COL6A5: variants seen among roughly 807,000 people sequenced by gnomAD.
The protein encoded by COL6A5 is collagen alpha-5(VI) chain.
In COL6A5, 48 loss-of-function variants were observed where a neutral mutation model predicts 65.6. The observed-to-expected ratio is 0.73, with a 90% CI of 0.58 to 0.93. The LOEUF (loss-of-function observed/expected upper bound fraction) is 0.93. Among genes scored for constraint, COL6A5 ranks in the 40% least tolerant of loss-of-function variants. The pLI, the probability that COL6A5 is intolerant of heterozygous loss-of-function variation, is 0.00. For missense variants in COL6A5, 914 were observed against 928.3 expected (o/e 0.98, Z 0.20); for synonymous variants, 291 against 322.8 (o/e 0.90, Z 1.05).
chr3:130,457,491 A>C (rs1577529980), intron 5 of COL6A5, among the ~76,000 whole-genome samples: 1 of 152,156 alleles, frequency 6.6e-6, no homozygotes, highest in South Asian at 2.1e-4. Context: ...TAGTTAGTGT[A>C]AGGTCCCATT....
At chr3:130,429,726 G>A (rs72982494), upstream of COL6A5, 3,105 of 649,012 alleles carry the variant, frequency 4.8e-3, 78 homozygotes, top group African/African-American at 0.054. Flanking sequence ...GATTATGACT[G>A]TAATTGTCAG....
At chr3:130,409,349 C>T (rs1470215214) in exon 18 of COL6A5, 1 of 1,547,078 alleles carries the variant, frequency 6.5e-7, no homozygotes. Context: ...CCAGAGGTGC[C>T]CCTGGGCAGT....
intron 7 of COL6A5, among the ~76,000 whole-genome samples, chr3:130,393,909 G>A (rs1159954614): frequency 6.6e-6 from 1 of 152,202 alleles, no homozygotes; most frequent in Non-Finnish European, 1.5e-5. Flanking sequence ...ACAGCTAGAA[G>A]CTGTTTACCG....
chr3:130,358,645 AT>A (rs1374262948), intron 1 of COL6A5, among the ~76,000 whole-genome samples: 1 of 152,108 alleles, frequency 6.6e-6, no homozygotes. Context: ...GTAATGTGGA[AT>A]TTTTTCCCCC....
chr3:130,465,136 T>C (rs2107610244), intron 5 of COL6A5, among the ~76,000 whole-genome samples: 1 of 152,098 alleles, frequency 6.6e-6, no homozygotes, highest in South Asian at 2.1e-4. Context: ...CTTATAGCCT[T>C]GAGTGTTTTC....
chr3:130,484,043 G>A (rs773973932), exon 8 of COL6A5: 1 of 1,608,786 alleles, frequency 6.2e-7, no homozygotes, highest in Non-Finnish European at 8.5e-7. Flanking sequence ...AGATGGTGAA[G>A]ATACAAGGTC....
At chr3:130,410,889 T>A (rs1937154141) in intron 20 of COL6A5, among the ~76,000 whole-genome samples, 1 of 152,212 alleles carries the variant, frequency 6.6e-6, no homozygotes, top group South Asian at 2.1e-4. Flanking sequence ...GTAACATAGT[T>A]GGCCTTTCCC....
chr3:130,349,639 A>G (rs1559851122), intron 1 of COL6A5, among the ~76,000 whole-genome samples: 1 of 152,212 alleles, frequency 6.6e-6, no homozygotes. Context: ...TTCATAGATA[A>G]CTAATTTATA....
exon 23 of COL6A5, chr3:130,415,698 A>T (rs1192479752): frequency 6.5e-7 from 1 of 1,548,172 alleles, no homozygotes; most frequent in Admixed American, 2.0e-5. Context: ...AGGGGCAGAA[A>T]GGACCTCAGG....
At chr3:130,468,095 GAA>G (rs1709859551) in intron 5 of COL6A5, among the ~76,000 whole-genome samples, 1 of 152,014 alleles carries the variant, frequency 6.6e-6, no homozygotes, top group South Asian at 2.1e-4. Flanking sequence ...TCTTCAAGGA[GAA>G]AGTCTTGCTA....
In COL6A5 at chr3:130,439,624, A is replaced by G. The variant is rs1709125767; in HGVS notation, c.581+9A>G. 1.3e-6 allele frequency: 2 copies of G among 1,540,100 alleles called. No homozygotes were observed. The highest frequency in any genetic ancestry group is 1.2e-5 in the South Asian group (1 of 83,796). The stretch of plus-strand genomic sequence containing the variant: ...CTGTGCACTTTGCTATGGTAAGACC[A>G]ATGAAGAGAATTGACTGTGCTGAAG... On this transcript the variant is annotated intron_variant, in intron 2 of 7. Coordinates refer to ENST00000512836, the Ensembl canonical transcript of COL6A5.
chr3:130,477,112 AG>A, intron 7 of COL6A5: 1 of 1,465,846 alleles, frequency 6.8e-7, no homozygotes, highest in Non-Finnish European at 9.2e-7. Flanking sequence ...CTTTCGTCAT[AG>A]TGATTCATAC....
At chr3:130,421,533 T>C (rs1175255606) in intron 27 of COL6A5, among the ~76,000 whole-genome samples, 173 bp downstream of exon 27, 1 of 152,088 alleles carries the variant, frequency 6.6e-6, no homozygotes, top group Non-Finnish European at 1.5e-5. Context: ...ATCTTTACAT[T>C]GGAAAAGATT....
chr3:130,434,118 G>A lies in COL6A5; in HGVS notation c.487+2169G>A, dbSNP rs146876994. Among the ~76,000 whole-genome samples, 3 of 152,120 alleles carry A rather than the reference G, an allele frequency of 2.0e-5. No individual in the cohort carries two copies. The East Asian group carries it at 5.8e-4, about 29-fold the overall frequency. On this transcript the variant is annotated intron_variant, in intron 1 of 7. Transcript: ENST00000512836. ...CCCACCCCTCGACAGGCCCTGGTGTGTGTTGTTCCCTCTCAGTGTCCATGT... is the reference window on the plus strand; with the variant it reads ...CCCACCCCTCGACAGGCCCTGGTGTATGTTGTTCCCTCTCAGTGTCCATGT...
intron 3 of COL6A5, among the ~76,000 whole-genome samples, 190 bp downstream of exon 35, chr3:130,441,015 T>C (rs1489768489): frequency 1.3e-5 from 2 of 152,156 alleles, no homozygotes; most frequent in African/African-American, 4.8e-5. Context: ...TGGTGAGGCC[T>C]GAGGCCTTTT....
At chr3:130,431,076 T>G (rs6780758), upstream of COL6A5, among the ~76,000 whole-genome samples, 6,832 of 152,312 alleles carry the variant, frequency 0.045, 394 homozygotes, top group African/African-American at 0.14. Context: ...TTTTAAATTT[T>G]ACACACAGTA....
chr3:130,483,573 A>C (rs1019018967), intron 7 of COL6A5, among the ~76,000 whole-genome samples: 4 of 152,190 alleles, frequency 2.6e-5, no homozygotes, highest in Non-Finnish European at 5.9e-5. Flanking sequence ...GCAGTCCTCA[A>C]AGAATAATAG....
chr3:130,355,564 T>C (rs1402772815), intron 1 of COL6A5, among the ~76,000 whole-genome samples: 1 of 151,930 alleles, frequency 6.6e-6, no homozygotes, highest in East Asian at 1.9e-4. Context: ...ACCTCTCAAA[T>C]ACTTAGGGTA....
intron 13 of COL6A5, 61 bp from the exon 14 acceptor site, chr3:130,405,527 A>C: frequency 8.1e-7 from 1 of 1,232,572 alleles, no homozygotes; most frequent in Non-Finnish European, 1.2e-6. Flanking sequence ...GTGAAAATAA[A>C]CCACTGGCAG....
Sources: allele counts gnomAD v4.1 joint callset (sites outside exome capture counted in the v4.1 genomes callset), GRCh38; gene constraint gnomAD v4.1.1; transcripts MANE v1.5; gene names NCBI Gene and HGNC (gene_info 2026-07-23, HGNC 2026-07-21).